The following PABPC4L variants were observed in gnomAD, a reference collection of about 807,000 sequenced individuals.
PABPC4L encodes poly(A) binding protein cytoplasmic 4 like, also known as polyadenylate-binding protein 4-like.
For synonymous variants in PABPC4L, 169 were observed against 164.1 expected (o/e 1.03, Z -0.23); for missense variants, 452 against 451.4 (o/e 1.00, Z -0.01).
chr4:134,090,701 TAG>T, the PABPC4L span, among the ~76,000 whole-genome samples: 1 of 151,882 alleles, frequency 6.6e-6, no homozygotes, highest in Admixed American at 6.6e-5. Flanking sequence ...AATTTGGGAT[TAG>T]AGAGAGCTAT....
chr4:134,111,026 T>C, the PABPC4L span, among the ~76,000 whole-genome samples: 1 of 152,132 alleles, frequency 6.6e-6, no homozygotes, highest in Non-Finnish European at 1.5e-5. Context: ...ATTGGGTTAT[T>C]TTTAAAGAAC....
At chr4:134,113,071 T>C in the PABPC4L span, among the ~76,000 whole-genome samples, 2 of 151,904 alleles carry the variant, frequency 1.3e-5, no homozygotes, top group African/African-American at 4.8e-5. Context: ...ATTTATAGAA[T>C]AAGGATATAA....
the PABPC4L span, among the ~76,000 whole-genome samples, chr4:134,018,453 C>T: frequency 6.6e-6 from 1 of 152,060 alleles, no homozygotes; most frequent in South Asian, 2.1e-4. Context: ...AATTATTTTG[C>T]CACCCAGGTA....
At chr4:134,148,711 G>A in the PABPC4L span, among the ~76,000 whole-genome samples, 1 of 152,008 alleles carries the variant, frequency 6.6e-6, no homozygotes, top group East Asian at 1.9e-4. Context: ...TACCCTCATT[G>A]CACAGCAACA....
the PABPC4L span, among the ~76,000 whole-genome samples, chr4:134,039,776 A>G: frequency 1.3e-5 from 2 of 151,902 alleles, no homozygotes; most frequent in Admixed American, 6.6e-5. Flanking sequence ...TCTTTATCTA[A>G]TCTGCCAGTC....
the PABPC4L span, among the ~76,000 whole-genome samples, chr4:134,022,048 T>C: frequency 6.6e-6 from 1 of 152,124 alleles, no homozygotes; most frequent in East Asian, 1.9e-4. Flanking sequence ...ATTTTATAGC[T>C]GTGGCTAAAT....
Position 134,201,115 on chromosome 4 carries a change from T to G in PABPC4L, c.-96A>C. 1 of 1,550,504 alleles carries G rather than the reference T, an allele frequency of 6.4e-7. No individual in the cohort carries two copies. The highest frequency in any genetic ancestry group is 1.7e-4 in the Middle Eastern group (1 of 5,988). ...TCACAGCTTTGGCCCGGTTCAAGTG[T>G]GGAGGCCTCGGGATCACCACACAAA... On this transcript the variant is annotated 5_prime_UTR_variant, in exon 2 of 2. Transcript: ENST00000421491.
At chr4:133,952,679 T>C in the PABPC4L span, among the ~76,000 whole-genome samples, 1 of 152,142 alleles carries the variant, frequency 6.6e-6, no homozygotes, top group Non-Finnish European at 1.5e-5. Flanking sequence ...CCCTGTTGCC[T>C]TCCTTAACCC....
the PABPC4L span, among the ~76,000 whole-genome samples, chr4:134,102,404 TA>T: frequency 4.0e-5 from 6 of 150,388 alleles, no homozygotes; most frequent in Admixed American, 1.3e-4. Flanking sequence ...CCTAGGACAT[TA>T]AAAAAAAATG....
chr4:133,981,540 C>G, the PABPC4L span, among the ~76,000 whole-genome samples: 1 of 149,164 alleles, frequency 6.7e-6, no homozygotes, highest in Non-Finnish European at 1.5e-5. Context: ...AGCACTTTAT[C>G]TTAACAGGGG....
the PABPC4L span, among the ~76,000 whole-genome samples, chr4:134,179,574 T>C: frequency 1.3e-5 from 2 of 152,034 alleles, no homozygotes; most frequent in South Asian, 2.1e-4. Context: ...AATGCCACAA[T>C]TGAAAGGCAA....
the PABPC4L span, among the ~76,000 whole-genome samples, chr4:134,090,115 G>C: frequency 6.6e-6 from 1 of 152,052 alleles, no homozygotes; most frequent in Non-Finnish European, 1.5e-5. Flanking sequence ...TAATGACTCA[G>C]ATAAGACATA....
At chr4:134,018,211 C>T in the PABPC4L span, among the ~76,000 whole-genome samples, 1 of 151,986 alleles carries the variant, frequency 6.6e-6, no homozygotes, top group African/African-American at 2.4e-5. Context: ...AGAGAACAAC[C>T]CCCCTTTGAC....
chr4:134,158,489 C>G, the PABPC4L span, among the ~76,000 whole-genome samples: 1 of 152,016 alleles, frequency 6.6e-6, no homozygotes, highest in East Asian at 1.9e-4. Context: ...TAAATTTAGA[C>G]AGACATAAAA....
the PABPC4L span, among the ~76,000 whole-genome samples, chr4:134,050,706 CAAAAAAA>C: frequency 2.4e-4 from 20 of 82,976 alleles, no homozygotes; most frequent in South Asian, 6.8e-4. Context: ...CACCGTCTCC[CAAAAAAA>C]AAAAAAAAAA....
At chr4:134,023,132 TG>T in the PABPC4L span, among the ~76,000 whole-genome samples, 2 of 152,082 alleles carry the variant, frequency 1.3e-5, no homozygotes, top group African/African-American at 2.4e-5. Context: ...CCTAGGTATT[TG>T]GAAGACAGAG....
chr4:134,059,895 T>A, the PABPC4L span, among the ~76,000 whole-genome samples: 2 of 152,184 alleles, frequency 1.3e-5, no homozygotes, highest in South Asian at 4.1e-4. Context: ...TAAGTGAGCA[T>A]TCACAGTACC....
Position 134,200,907 on chromosome 4 carries a change from G to A in PABPC4L, c.113C>T (p.Ser38Phe). The A allele has an allele frequency of 8.3e-6, 13 of 1,561,020 alleles. No individual in the cohort carries two copies. Among genetic ancestry groups the A allele is most frequent in the Non-Finnish European group, 1.1e-5 (13 of 1,152,292 alleles). ...GACCTGGTCCCTGCAAATGCGGATG[G>A]ACAGCACAGGCCCCACAGTGCTGAA... ...RKFSTVGPVL[S>F]IRICRDQVTR... The change falls in exon 2 of 2, where the codon TCC (serine) becomes TTC (phenylalanine). Residue 38 changes from serine (S) to phenylalanine (F), a missense_variant. By Grantham distance (155) the Ser-to-Phe change is radical. Coordinates refer to ENST00000421491, the MANE Select transcript of PABPC4L (RefSeq NM_001114734.2).
At chr4:134,092,273 C>T in the PABPC4L span, among the ~76,000 whole-genome samples, 5 of 152,006 alleles carry the variant, frequency 3.3e-5, no homozygotes, top group Non-Finnish European at 7.4e-5. Flanking sequence ...CCAAACTCCC[C>T]TGGCAGAGGA....
Sources: gnomAD v4.1 joint callset for allele counts (sites outside exome capture counted in the v4.1 genomes callset) on GRCh38, gnomAD v4.1.1 for gene constraint, MANE v1.5 for transcripts, NCBI Gene and HGNC (gene_info 2026-07-23, HGNC 2026-07-21) for gene names.